LEPR: variants seen among roughly 807,000 people sequenced by gnomAD.
The protein encoded by LEPR is leptin receptor, also known as OB receptor.
In LEPR, 56 loss-of-function variants were observed where a neutral mutation model predicts 114.7. That is an observed-to-expected ratio of 0.49 (90% CI 0.39 to 0.61). The LOEUF is 0.61. Among genes scored for constraint, LEPR ranks in the 20% least tolerant of loss-of-function variants. The pLI, the probability that LEPR is intolerant of heterozygous loss-of-function variation, is 0.00. For missense variants in LEPR, 1,202 were observed against 1,352.9 expected, an observed-to-expected ratio of 0.89 and a Z score of 1.75; for synonymous variants, 443 against 461.4, an observed-to-expected ratio of 0.96 and a Z score of 0.51.
At chr1:65,453,537 AC>A (rs1306231829) in intron 2 of LEPR, among the ~76,000 whole-genome samples, 2 of 151,474 alleles carry the variant, frequency 1.3e-5, no homozygotes, top group Non-Finnish European at 2.9e-5. Flanking sequence ...TTTGTTATGT[AC>A]CCAGTAGTCA....
intron 2 of LEPR, among the ~76,000 whole-genome samples, chr1:65,564,268 T>A (rs1245841546): frequency 2.0e-5 from 3 of 150,104 alleles, no homozygotes; most frequent in African/African-American, 7.3e-5. Flanking sequence ...CGCCGTTTTT[T>A]AAGTCAGTCA....
intron 2 of LEPR, among the ~76,000 whole-genome samples, chr1:65,540,356 C>A (rs190209794): frequency 5.9e-5 from 9 of 152,240 alleles, no homozygotes; most frequent in Admixed American, 5.9e-4. Context: ...GGTGGTGGGG[C>A]CTGGTGGGAG....
chr1:65,522,480 T>C (rs1187570904), intron 2 of LEPR, among the ~76,000 whole-genome samples: 5 of 152,114 alleles, frequency 3.3e-5, no homozygotes, highest in African/African-American at 1.2e-4. Flanking sequence ...GTTATTAAGA[T>C]ATAGGTTGAT....
intron 2 of LEPR, chr1:65,427,674 G>C (rs1411569148): frequency 5.7e-6 from 1 of 174,820 alleles, no homozygotes; most frequent in Non-Finnish European, 1.3e-5. Context: ...AAATCTAGGA[G>C]TTTTAATTCT....
chr1:65,605,003 T>C (rs1656720660), intron 10 of LEPR, 35 bp from the exon 11 acceptor site: 8 of 1,604,314 alleles, frequency 5.0e-6, no homozygotes, highest in African/African-American at 1.3e-5. Flanking sequence ...CTTTTATTAA[T>C]GTATACTAAT....
intron 5 of LEPR, among the ~76,000 whole-genome samples, chr1:65,582,897 C>A (rs1485829623): frequency 6.6e-6 from 1 of 152,104 alleles, no homozygotes; most frequent in Non-Finnish European, 1.5e-5. Context: ...TTCACTACTT[C>A]TTTTAAAGAA....
At chr1:65,550,344 C>A (rs547350016) in intron 2 of LEPR, among the ~76,000 whole-genome samples, 2 of 152,164 alleles carry the variant, frequency 1.3e-5, no homozygotes, top group Non-Finnish European at 2.9e-5. Flanking sequence ...CTCTCTTCAA[C>A]GCTGTCAGAC....
intron 2 of LEPR, among the ~76,000 whole-genome samples, chr1:65,507,208 G>A (rs1356525213): frequency 2.0e-5 from 3 of 151,792 alleles, no homozygotes; most frequent in African/African-American, 4.8e-5. Context: ...CCGCCACCAC[G>A]CCTGGTTAAT....
intron 15 of LEPR, among the ~76,000 whole-genome samples, chr1:65,616,955 G>A (rs1212482663): frequency 6.6e-6 from 1 of 152,080 alleles, no homozygotes; most frequent in Non-Finnish European, 1.5e-5. Flanking sequence ...ATCTCAGAGT[G>A]CTTCCTGTCT....
chr1:65,635,605 C>T (rs1046960460), intron 19 of LEPR, among the ~76,000 whole-genome samples: 1 of 152,058 alleles, frequency 6.6e-6, no homozygotes, highest in African/African-American at 2.4e-5. Flanking sequence ...TCTCAGTATA[C>T]AGCAGATAAG....
At chr1:65,431,107 G>A (rs1258249247) in intron 2 of LEPR, among the ~76,000 whole-genome samples, 2 of 152,180 alleles carry the variant, frequency 1.3e-5, no homozygotes, top group African/African-American at 4.8e-5. Flanking sequence ...AGATAATGGG[G>A]AAAGATTGAA....
chr1:65,638,866 T>TC lies in LEPR; in HGVS notation c.*1852dup, dbSNP rs1353417649. 2 of 152,228 alleles carry TC rather than the reference T, an allele frequency of 1.3e-5. No homozygotes were observed. Among genetic ancestry groups the TC allele is most frequent in the Non-Finnish European group, 2.9e-5 (2 of 68,040 alleles). The allele number at this position is 152,228 out of a possible 1,614,324, so 9.4% of individuals were successfully genotyped here. A position where few individuals can be genotyped will look rare whatever the true frequency, so the allele number is the denominator to read the frequency against. The stretch of plus-strand genomic sequence containing the variant: ...AAAGATAAATGGAGAAGCGTTTTTT[T>TC]CATGGATAATTTTACATGGCTTTAG... On this transcript the variant is annotated 3_prime_UTR_variant, in exon 20 of 20. Transcript: ENST00000349533.
intron 2 of LEPR, among the ~76,000 whole-genome samples, chr1:65,536,478 T>G (rs1052888066): frequency 4.7e-4 from 71 of 152,302 alleles, no homozygotes; most frequent in African/African-American, 1.6e-3. Context: ...ATGAATGAAT[T>G]AAGATAACCA....
chr1:65,607,109 C>G (rs1656862372), intron 11 of LEPR, among the ~76,000 whole-genome samples: 1 of 151,996 alleles, frequency 6.6e-6, no homozygotes, highest in South Asian at 2.1e-4. Flanking sequence ...GAAGGTAAAC[C>G]CTGGAACTCT....
intron 2 of LEPR, among the ~76,000 whole-genome samples, chr1:65,508,377 A>T (rs913658440): frequency 6.6e-6 from 1 of 152,160 alleles, no homozygotes; most frequent in Non-Finnish European, 1.5e-5. Flanking sequence ...GGGATAAGGT[A>T]ATGGTACATT....
Position 65,608,846 on chromosome 1 carries a change from A to G in LEPR, c.1697A>G (p.Asn566Ser). Residue 566 changes from asparagine (N) to serine (S), a missense_variant, in exon 12 of 20, where the codon AAT becomes AGT. Physicochemically the swap from Asn to Ser is conservative, Grantham distance 46 (BLOSUM62 1). Transcript: ENST00000349533. ...TGGGAAAAGCCAGTCTTTCCAGAGAATAACCTTCAATTCCAGATTCGCTAT... is the reference window on the plus strand; with the variant it reads ...TGGGAAAAGCCAGTCTTTCCAGAGAGTAACCTTCAATTCCAGATTCGCTAT... ...ISWEKPVFPENNLQFQIRYGL... is the reference protein window; with the variant it reads ...ISWEKPVFPESNLQFQIRYGL... 2 of 1,613,810 alleles carry G rather than the reference A, an allele frequency of 1.2e-6. No individual in the cohort carries two copies. Among genetic ancestry groups the G allele is most frequent in the Non-Finnish European group, 1.7e-6 (2 of 1,179,848 alleles).
At chr1:65,625,003 G>A (rs1430693489) in intron 19 of LEPR, among the ~76,000 whole-genome samples, 2 of 152,094 alleles carry the variant, frequency 1.3e-5, no homozygotes, top group Non-Finnish European at 2.9e-5. Context: ...CTAAGCCAGA[G>A]TCTTCTTTCA....
chr1:65,601,908 A>G lies in LEPR; in HGVS notation c.1351A>G (p.Thr451Ala). 4.3e-6 allele frequency: 7 copies of G among 1,613,738 alleles called. No individual in the cohort carries two copies. Among genetic ancestry groups the G allele is most frequent in the Non-Finnish European group, 5.9e-6 (7 of 1,179,692 alleles). The change falls in exon 10 of 20, where the codon ACC becomes GCC. Residue 451 changes from threonine to alanine, a missense_variant. Thr to Ala is a moderately conservative substitution (Grantham distance 58). Transcript: ENST00000349533. ...YLTKMTCRWSTSTIQSLAEST... is the reference protein window; with the variant it reads ...YLTKMTCRWSASTIQSLAEST... ...AACTAAAATGACTTGCAGATGGTCA[A>G]CCAGTACAATCCAGTCACTTGCGGA...
chr1:65,467,722 C>T (rs1251935616), intron 2 of LEPR, among the ~76,000 whole-genome samples: 1 of 152,180 alleles, frequency 6.6e-6, no homozygotes, highest in East Asian at 1.9e-4. Flanking sequence ...TCTTTGTTTA[C>T]ACTGTGAGCT....
Sources: allele counts gnomAD v4.1 joint callset (sites outside exome capture counted in the v4.1 genomes callset), GRCh38; gene constraint gnomAD v4.1.1; transcripts MANE v1.5; gene names NCBI Gene and HGNC (gene_info 2026-07-23, HGNC 2026-07-21).